Variants in GDA observed in about 807,000 individuals in gnomAD.
The protein encoded by GDA is cytoplasmic PSD-95 interactor.
In GDA, 18 loss-of-function variants were observed where a neutral mutation model predicts 59.6. That is an observed-to-expected ratio of 0.30 (90% CI 0.21 to 0.45). GDA has a LOEUF of 0.45. GDA is among the 20% of genes least tolerant of loss of function. The probability of loss-of-function intolerance (pLI) is 1.00; values close to 1 mark genes in which losing one functional copy is unlikely to be tolerated. For missense variants in GDA, 427 were observed against 552.3 expected, an observed-to-expected ratio of 0.77 and a Z score of 2.27; for synonymous variants, 201 against 201.1, an observed-to-expected ratio of 1.00 and a Z score of 0.00.
intron 10 of GDA, among the ~76,000 whole-genome samples, chr9:72,238,243 A>G (rs990562917): frequency 2.6e-5 from 4 of 152,150 alleles, no homozygotes; most frequent in Admixed American, 2.6e-4. Flanking sequence ...AAAGTCCTGT[A>G]TGCATTGTTT....
chr9:72,245,036 AT>A (rs5898251), intron 11 of GDA, 111 bp from the exon 12 acceptor site: 142,191 of 737,130 alleles, frequency 0.19, 9,428 homozygotes, highest in Middle Eastern at 0.29. Flanking sequence ...TAAGATACTA[AT>A]TTTTTTTTTT....
In GDA at chr9:72,247,430, CTAGG is replaced by C; in HGVS notation, c.1294+5_1294+8del. ...GGCTGTTATCCAGAAGTTCCTCTAT[CTAGG>C]TAGGTAGATGCATGTCTCTATGCTA... On this transcript the variant is annotated splice_donor_variant and coding_sequence_variant, in exon 13 of 14. Coordinates refer to ENST00000358399, the MANE Select transcript of GDA (RefSeq NM_004293.5). LOFTEE classifies it high-confidence loss of function. 1 of 1,463,210 alleles carries C rather than the reference CTAGG, an allele frequency of 6.8e-7. No individual in the cohort carries two copies. Among genetic ancestry groups the C allele is most frequent in the Non-Finnish European group, 9.6e-7 (1 of 1,042,614 alleles). The allele number at this position is 1,463,210 out of a possible 1,614,324, so 90.6% of individuals were successfully genotyped here.
upstream of GDA, among the ~76,000 whole-genome samples, chr9:72,148,047 G>C (rs1826745278): frequency 6.6e-6 from 1 of 152,192 alleles, no homozygotes; most frequent in African/African-American, 2.4e-5. Context: ...GGGAGCTGAA[G>C]GAACTGAGAA....
intron 1 of GDA, among the ~76,000 whole-genome samples, chr9:72,158,157 T>C (rs1214614943): frequency 6.6e-6 from 1 of 152,160 alleles, no homozygotes; most frequent in African/African-American, 2.4e-5. Context: ...TTCCATAAAA[T>C]TTTTCATATA....
At chr9:72,240,504 T>C (rs574231488) in intron 10 of GDA, among the ~76,000 whole-genome samples, 55 of 152,298 alleles carry the variant, frequency 3.6e-4, no homozygotes, top group Admixed American at 2.4e-3. Context: ...GTGGGTTGAA[T>C]TGTGGGTCCC....
chr9:72,241,159 T>C lies in GDA; in HGVS notation c.996T>C (p.Ala332=). 1 of 1,595,694 alleles carries C rather than the reference T, an allele frequency of 6.3e-7. No homozygotes were observed. Among genetic ancestry groups the C allele is most frequent in the Non-Finnish European group, 8.6e-7 (1 of 1,165,766 alleles). The change falls in exon 11 of 14, where the codon GCT becomes GCC. Residue 332 remains alanine, a synonymous_variant. Transcript: ENST00000358399. ...TTATTTTACCTACTGCAGACGTGGC[T>C]GGTGGCTATTCATATTCCATGCTTG... The part of the protein sequence containing the change: ...EVKIGLGTDV[A]GGYSYSMLDA...
At chr9:72,155,417 A>G (rs1232259674) in intron 1 of GDA, among the ~76,000 whole-genome samples, 4 of 152,176 alleles carry the variant, frequency 2.6e-5, no homozygotes, top group Non-Finnish European at 4.4e-5. Flanking sequence ...ATTTGGATGG[A>G]GGCACATCCA....
intron 1 of GDA, among the ~76,000 whole-genome samples, chr9:72,173,990 A>G (rs1222164512): frequency 6.6e-5 from 10 of 152,182 alleles, no homozygotes; most frequent in Admixed American, 6.5e-4. Context: ...TGGTCAGCTA[A>G]GGGTTCTCCC....
intron 1 of GDA, among the ~76,000 whole-genome samples, chr9:72,134,059 C>A (rs1032755820): frequency 6.6e-6 from 1 of 151,988 alleles, no homozygotes; most frequent in African/African-American, 2.4e-5. Context: ...GGACAAACAT[C>A]GGGAGGATCA....
intron 6 of GDA, 107 bp downstream of exon 6, chr9:72,219,613 T>C: frequency 1.4e-6 from 1 of 734,758 alleles, no homozygotes; most frequent in Non-Finnish European, 2.3e-6. Flanking sequence ...GCTTATCTCA[T>C]GCATGTAGAA....
intron 1 of GDA, chr9:72,114,845 C>T (rs1444457790): frequency 6.6e-6 from 1 of 152,316 alleles, no homozygotes; most frequent in Non-Finnish European, 1.5e-5. Context: ...TGAGGACTTG[C>T]TTTCTGCTCT....
chr9:72,196,853 T>C (rs907856905), intron 2 of GDA, among the ~76,000 whole-genome samples: 5 of 152,078 alleles, frequency 3.3e-5, no homozygotes, highest in Admixed American at 6.6e-5. Flanking sequence ...TTTGGTTTTC[T>C]GTTCCTGTGT....
upstream of GDA, chr9:72,149,371 G>A (rs1434876580): frequency 3.5e-6 from 2 of 574,730 alleles, no homozygotes; most frequent in East Asian, 6.7e-5. Context: ...TATTGGCATT[G>A]AGGAGGTAGG....
intron 1 of GDA, among the ~76,000 whole-genome samples, chr9:72,167,344 C>T (rs551527241): frequency 6.6e-6 from 1 of 152,150 alleles, no homozygotes; most frequent in African/African-American, 2.4e-5. Context: ...GACTGATCTC[C>T]CATCTCCTTA....
chr9:72,185,221 G>A (rs1007154547), intron 1 of GDA, among the ~76,000 whole-genome samples: 6 of 152,202 alleles, frequency 3.9e-5, no homozygotes, highest in Non-Finnish European at 5.9e-5. Context: ...AAACTGTGCT[G>A]ATCCTTGGTT....
At chr9:72,138,955 T>G (rs1478609294) in intron 1 of GDA, among the ~76,000 whole-genome samples, 2 of 152,208 alleles carry the variant, frequency 1.3e-5, no homozygotes, top group African/African-American at 4.8e-5. Context: ...TAATTAAGTT[T>G]TTATTGCATT....
intron 1 of GDA, among the ~76,000 whole-genome samples, chr9:72,130,562 TG>T (rs1825992400): frequency 1.3e-5 from 2 of 152,226 alleles, no homozygotes; most frequent in South Asian, 4.1e-4. Context: ...AATGTATTAG[TG>T]GCCAAACTCC....
At chr9:72,133,958 T>C (rs1213505967) in intron 1 of GDA, among the ~76,000 whole-genome samples, 1 of 152,218 alleles carries the variant, frequency 6.6e-6, no homozygotes, top group Non-Finnish European at 1.5e-5. Flanking sequence ...TCATCTGGGT[T>C]ACACATTGAA....
intron 1 of GDA, among the ~76,000 whole-genome samples, chr9:72,170,819 ATTG>A (rs35534385): frequency 0.35 from 52,658 of 151,324 alleles, 10,312 homozygotes; most frequent in Non-Finnish European, 0.44. Flanking sequence ...AATTACTATT[ATTG>A]TTGTTGTTGT....
Sources: gnomAD v4.1 joint callset for allele counts (sites outside exome capture counted in the v4.1 genomes callset) on GRCh38, gnomAD v4.1.1 for gene constraint, MANE v1.5 for transcripts, NCBI Gene and HGNC (gene_info 2026-07-23, HGNC 2026-07-21) for gene names.